The following KBTBD4 variants were observed in gnomAD, a reference collection of about 807,000 sequenced individuals.
KBTBD4 encodes the protein kelch repeat and BTB domain containing 4, also known as kelch repeat and BTB domain-containing protein 4.
KBTBD4 carries 30 observed loss-of-function variants against 43.9 expected under a neutral mutation model. That is an observed-to-expected ratio of 0.68 (90% CI 0.51 to 0.93). KBTBD4 has a LOEUF of 0.93. Among genes scored for constraint, KBTBD4 ranks in the 40% least tolerant of loss-of-function variants. The pLI is 0.00. For missense variants in KBTBD4, 575 were observed against 668.8 expected (o/e 0.86, Z 1.55); for synonymous variants, 258 against 256.9 (o/e 1.00, Z -0.04).
intron 3 of KBTBD4, among the ~76,000 whole-genome samples, chr11:47,575,243 T>C (rs1463232984): frequency 1.4e-5 from 2 of 146,710 alleles, no homozygotes; most frequent in African/African-American, 5.1e-5. Context: ...GCGCGGGGGC[T>C]CATGCCTGTA....
intron 3 of KBTBD4, among the ~76,000 whole-genome samples, chr11:47,574,850 A>ATC (rs1000332324): frequency 6.2e-5 from 9 of 144,682 alleles, no homozygotes; most frequent in African/African-American, 2.1e-4. Context: ...GCGAAACTCC[A>ATC]TCTCTCTCTC....
chr11:47,578,221 G>T (rs1235772317), intron 1 of KBTBD4, 193 bp from the exon 2 acceptor site: 8 of 604,158 alleles, frequency 1.3e-5, no homozygotes, highest in South Asian at 2.0e-5. Context: ...CCCCAGTGGC[G>T]CCCCTCCGCT....
rs1240539690 is a variant in KBTBD4 at position 47,573,760 on chromosome 11, T to C, written c.775A>G (p.Ile259Val). Residue 259 changes from isoleucine (I) to valine (V), a missense_variant, in exon 4 of 4, where the codon ATT becomes GTT. Physicochemically the swap from Ile to Val is conservative, Grantham distance 29. Transcript: ENST00000430070. The surrounding 1 kb of genome is among the most constrained non-coding windows in gnomAD (Gnocchi z 4.1). ...EIGENVHIYL[I>V]GKESSRTHSL... Reference sequence around the variant, plus strand: ...TGGGTACGAGATGACTCTTTCCCAATCAGGTAAATGTGCACATTCTCCCCA... The same window carrying C: ...TGGGTACGAGATGACTCTTTCCCAACCAGGTAAATGTGCACATTCTCCCCA... The C allele has an allele frequency of 6.3e-7, 1 of 1,583,170 alleles. No individual in the cohort carries two copies. The highest frequency in any genetic ancestry group is 1.7e-4 in the Middle Eastern group (1 of 6,036).
At chr11:47,578,685 C>A in intron 1 of KBTBD4, 1 of 1,105,378 alleles carries the variant, frequency 9.0e-7, no homozygotes, top group Non-Finnish European at 1.3e-6. Context: ...CCCGCTCCAC[C>A]TTGAGTCGTC....
chr11:47,575,806 T>TACAC, intron 2 of KBTBD4, 107 bp from the exon 3 acceptor site: 1 of 692,378 alleles, frequency 1.4e-6, no homozygotes, highest in Non-Finnish European at 2.5e-6. Context: ...GCTGGGCATG[T>TACAC]GTATATGTGT....
In KBTBD4 at chr11:47,573,781, C is replaced by A. The variant is rs767787104; in HGVS notation, c.754G>T (p.Glu252Ter). Residue 252 changes from glutamate to a stop codon, truncating the protein, a stop_gained, in exon 4 of 4, where the codon GAG becomes TAG. Transcript: ENST00000430070. LOFTEE classifies it high-confidence loss of function. The surrounding 1 kb of genome is among the most constrained non-coding windows in gnomAD (Gnocchi z 4.1). The part of the protein sequence containing the change: ...SLRTSLKEIG[E>*]NVHIYLIGKE... Reference sequence around the variant, plus strand: ...CCAATCAGGTAAATGTGCACATTCTCCCCAATTTCCTATTGGCAAAATTAA... The same window carrying A: ...CCAATCAGGTAAATGTGCACATTCTACCCAATTTCCTATTGGCAAAATTAA... The A allele has an allele frequency of 6.4e-7, 1 of 1,570,160 alleles. No individual in the cohort carries two copies. The highest frequency in any genetic ancestry group is 1.7e-5 in the Admixed American group (1 of 57,480).
intron 1 of KBTBD4, 181 bp downstream of exon 1, chr11:47,578,751 CA>C: frequency 1.3e-6 from 2 of 1,493,022 alleles, no homozygotes; most frequent in Non-Finnish European, 1.8e-6. Context: ...CCGCCCTCGT[CA>C]AAAGCTTGGC....
intron 3 of KBTBD4, among the ~76,000 whole-genome samples, chr11:47,574,891 ATCTC>A (rs1289493940): frequency 7.8e-6 from 1 of 127,866 alleles, no homozygotes; most frequent in African/African-American, 3.0e-5. Context: ...CGAAACTCCC[ATCTC>A]TCTCTCTCAC....
intron 2 of KBTBD4, among the ~76,000 whole-genome samples, chr11:47,576,158 CTTTTTTTTTTTTT>C (rs11345162): frequency 8.1e-5 from 4 of 49,126 alleles, no homozygotes; most frequent in East Asian, 8.1e-4. Flanking sequence ...GCGGGTCTTG[CTTTTTTTTTTTTT>C]TTTTTTTTTT....
chr11:47,574,679 A>G (rs1232093563), intron 3 of KBTBD4, among the ~76,000 whole-genome samples: 1 of 149,798 alleles, frequency 6.7e-6, no homozygotes, highest in East Asian at 2.0e-4. Context: ...ACATGGTGAA[A>G]CCCATCTCTA....
chr11:47,577,433 G>C lies in KBTBD4; in HGVS notation c.615C>G (p.Arg205=), dbSNP rs758175662. The C allele has an allele frequency of 1.2e-6, 2 of 1,607,924 alleles. No homozygotes were observed. Among genetic ancestry groups the C allele is most frequent in the Admixed American group, 1.7e-5 (1 of 59,876 alleles). Residue 205 remains arginine, a synonymous_variant, in exon 2 of 4, where the codon CGC becomes CGG. Coordinates refer to ENST00000430070, the MANE Select transcript of KBTBD4 (RefSeq NM_018095.6). ...NTEEFLHLPH[R]LLTDIISDGV... The stretch of plus-strand genomic sequence containing the variant: ...TACCCGAGATGATATCTGTGAGTAA[G>C]CGGTGGGGCAAGTGGAGAAATTCCT...
intron 1 of KBTBD4, 142 bp from the exon 2 acceptor site, chr11:47,578,170 T>G: frequency 1.2e-6 from 1 of 827,482 alleles, no homozygotes; most frequent in Non-Finnish European, 1.9e-6. Flanking sequence ...CTGTCCATGA[T>G]GTCCCTGACG....
intron 3 of KBTBD4, 74 bp downstream of exon 3, chr11:47,575,519 A>AG (rs1263723795): frequency 9.8e-7 from 1 of 1,018,032 alleles, no homozygotes; most frequent in African/African-American, 1.6e-5. Context: ...AAAAAAAAAA[A>AG]AAGAGGCCAA....
At chr11:47,576,812 G>A (rs1170417351) in intron 2 of KBTBD4, among the ~76,000 whole-genome samples, 1 of 151,944 alleles carries the variant, frequency 6.6e-6, no homozygotes, top group Non-Finnish European at 1.5e-5. Flanking sequence ...AAGTAGCTGA[G>A]ACTACAGGTG....
intron 3 of KBTBD4, among the ~76,000 whole-genome samples, chr11:47,575,209 TAAA>T (rs751592990): frequency 2.2e-5 from 2 of 91,254 alleles, no homozygotes; most frequent in Admixed American, 1.1e-4. Flanking sequence ...GAATCCGTCT[TAAA>T]AAAAAAAAAA....
chr11:47,577,850 C>A lies in KBTBD4; in HGVS notation c.198G>T (p.Ser66=). The change falls in exon 2 of 4, where the codon TCG becomes TCT. Residue 66 remains serine (S), a synonymous_variant. Transcript: ENST00000430070. ...GGAGCTGAAACTCCCGGCCTTCCAC[C>A]GAAATGGTGACATCAGCAAAGAGCT... The part of the protein sequence containing the change: ...EEELFADVTI[S]VEGREFQLHR... 6.2e-7 allele frequency: 1 copy of A among 1,614,154 alleles called. No individual in the cohort carries two copies. The highest frequency in any genetic ancestry group is 8.5e-7 in the Non-Finnish European group (1 of 1,180,034).
rs1024779165 is a variant in KBTBD4 at position 47,575,641 on chromosome 11, A to T, written c.696T>A (p.Asn232Lys). ...CTGCAAAAGCCTCTCTTTCCTCTTT[A>T]TTAAAGTTGATCCAGGCTTCTATTG... is the stretch of plus-strand genomic sequence containing the variant. ...TEAIEAWINF[N>K]KEEREAFAES... Residue 232 changes from asparagine (N) to lysine (K), a missense_variant, in exon 3 of 4, where the codon AAT becomes AAA. Asn to Lys is a moderately conservative substitution (Grantham distance 94, BLOSUM62 0). Transcript: ENST00000430070. 2 of 1,613,588 alleles carry T rather than the reference A, an allele frequency of 1.2e-6. No homozygotes were observed. The highest frequency in any genetic ancestry group is 1.7e-6 in the Non-Finnish European group (2 of 1,179,850).
chr11:47,576,259 C>T (rs1252437128), intron 2 of KBTBD4, among the ~76,000 whole-genome samples: 1 of 146,758 alleles, frequency 6.8e-6, no homozygotes, highest in African/African-American at 2.5e-5. Flanking sequence ...CTCCACCTCC[C>T]GGGTTCACGC....
In KBTBD4 at chr11:47,573,552, G is replaced by C; in HGVS notation, c.983C>G (p.Ala328Gly). ...NNATVDWEWC[A>G]PLPRDRLQHT... Reference sequence around the variant, plus strand: ...CTGGAGCCGGTCCCGAGGCAAAGGAGCACACCACTCCCAGTCAACGGTGGC... The same window carrying C: ...CTGGAGCCGGTCCCGAGGCAAAGGACCACACCACTCCCAGTCAACGGTGGC... The change falls in exon 4 of 4, where the codon GCT becomes GGT. Residue 328 changes from alanine to glycine, a missense_variant. Ala to Gly is a moderately conservative substitution (Grantham distance 60, BLOSUM62 0). Transcript: ENST00000430070. This position sits in a 1 kb window ranked among gnomAD's most constrained non-coding sequence, Gnocchi z 4.1. 1 of 1,614,208 alleles carries C rather than the reference G, an allele frequency of 6.2e-7. No homozygotes were observed. The highest frequency in any genetic ancestry group is 8.5e-7 in the Non-Finnish European group (1 of 1,180,048).
Sources: allele counts gnomAD v4.1 joint callset (sites outside exome capture counted in the v4.1 genomes callset), GRCh38; gene constraint gnomAD v4.1.1; non-coding constraint Gnocchi (gnomAD v3.1); transcripts MANE v1.5; gene names NCBI Gene and HGNC (gene_info 2026-07-23, HGNC 2026-07-21).